The following IFT52 variants were observed in gnomAD, a reference collection of about 807,000 sequenced individuals.
The protein encoded by IFT52 is intraflagellar transport protein 52 homolog.
In IFT52, 44 loss-of-function variants were observed where a neutral mutation model predicts 54.4. The ratio of observed to expected loss-of-function variants is 0.81; its 90% CI spans 0.63 to 1.04. The LOEUF (loss-of-function observed/expected upper bound fraction) is 1.04. Ranked by LOEUF, IFT52 falls within the 50% of genes least tolerant of loss-of-function variation. The pLI is 0.00. For missense variants in IFT52, 452 were observed against 523.6 expected, an observed-to-expected ratio of 0.86 and a Z score of 1.33; for synonymous variants, 181 against 185.3, an observed-to-expected ratio of 0.98 and a Z score of 0.19.
intron 12 of IFT52, among the ~76,000 whole-genome samples, chr20:43,640,286 C>G (rs553869273): frequency 1.0e-3 from 159 of 152,032 alleles, no homozygotes; most frequent in African/African-American, 3.7e-3. Context: ...AAAACCCTGT[C>G]TCTACTAAAA....
At chr20:43,618,427 A>C (rs1382472516) in intron 7 of IFT52, 1 of 152,230 alleles carries the variant, frequency 6.6e-6, no homozygotes, top group Non-Finnish European at 1.5e-5. Context: ...AAAAAAATAT[A>C]GAAGTATCTA....
chr20:43,636,493 T>C (rs1985549151), intron 11 of IFT52, among the ~76,000 whole-genome samples: 1 of 152,218 alleles, frequency 6.6e-6, no homozygotes, highest in Non-Finnish European at 1.5e-5. Flanking sequence ...GCCAGTTAGC[T>C]TGATCTTGCT....
chr20:43,616,242 C>T (rs1434152352), intron 7 of IFT52, among the ~76,000 whole-genome samples: 4 of 152,066 alleles, frequency 2.6e-5, no homozygotes, highest in Non-Finnish European at 5.9e-5. Flanking sequence ...CGTGGTGGCT[C>T]ACAACTGTAA....
intron 4 of IFT52, 54 bp downstream of exon 4, chr20:43,603,943 A>T (rs115145793): frequency 1.6e-6 from 2 of 1,271,982 alleles, no homozygotes; most frequent in Non-Finnish European, 2.2e-6. Flanking sequence ...CTATTATTTG[A>T]TATCATAGCC....
intron 10 of IFT52, among the ~76,000 whole-genome samples, chr20:43,627,678 G>A (rs1046146986): frequency 2.0e-5 from 3 of 152,126 alleles, no homozygotes; most frequent in African/African-American, 7.2e-5. Flanking sequence ...AATGGCTGGC[G>A]TGAAACACAA....
At chr20:43,623,577 C>T (rs187142502) in intron 9 of IFT52, among the ~76,000 whole-genome samples, 4 of 152,260 alleles carry the variant, frequency 2.6e-5, no homozygotes, top group African/African-American at 7.2e-5. Context: ...GATTGCTGAG[C>T]GCTCAAGATC....
intron 11 of IFT52, 125 bp from the exon 12 acceptor site, chr20:43,637,020 C>A (rs2145670005): frequency 9.6e-6 from 6 of 625,210 alleles, no homozygotes; most frequent in Non-Finnish European, 1.1e-5. Flanking sequence ...AGGATGTGAA[C>A]TTCCTTATTC....
At chr20:43,610,687 C>T (rs985107949) in intron 6 of IFT52, among the ~76,000 whole-genome samples, 5 of 151,258 alleles carry the variant, frequency 3.3e-5, no homozygotes, top group Non-Finnish European at 7.4e-5. Context: ...TGCAGTGAGC[C>T]GAGATCACGC....
chr20:43,595,128 A>G (rs1012037412), intron 2 of IFT52, among the ~76,000 whole-genome samples: 2 of 151,844 alleles, frequency 1.3e-5, no homozygotes, highest in African/African-American at 4.8e-5. Context: ...AGCCTGGACA[A>G]GATGGTGAAA....
intron 9 of IFT52, among the ~76,000 whole-genome samples, chr20:43,623,094 A>G (rs1291823369): frequency 6.6e-6 from 1 of 152,144 alleles, no homozygotes; most frequent in African/African-American, 2.4e-5. Context: ...GGCACATGTT[A>G]TGGTGGGAGC....
chr20:43,625,342 C>T (rs1349656687), intron 10 of IFT52, among the ~76,000 whole-genome samples: 2 of 152,036 alleles, frequency 1.3e-5, no homozygotes, highest in African/African-American at 4.8e-5. Flanking sequence ...AACCCCGTCT[C>T]TACTAAAAAT....
At chr20:43,593,171 C>T (rs914137675) in intron 1 of IFT52, among the ~76,000 whole-genome samples, 1 of 151,912 alleles carries the variant, frequency 6.6e-6, no homozygotes, top group Non-Finnish European at 1.5e-5. Context: ...AGTACCTGGA[C>T]AAGAAAATCA....
intron 5 of IFT52, 55 bp from the exon 6 acceptor site, chr20:43,604,947 G>A: frequency 6.4e-7 from 1 of 1,571,958 alleles, no homozygotes; most frequent in Non-Finnish European, 8.7e-7. Context: ...AATGAATGCA[G>A]TGTGAAATTC....
chr20:43,624,445 G>A (rs561725256), intron 10 of IFT52, among the ~76,000 whole-genome samples: 76 of 152,318 alleles, frequency 5.0e-4, no homozygotes, highest in Admixed American at 1.8e-3. Flanking sequence ...CACTTAGAAT[G>A]CAGGAAAAGG....
Position 43,647,107 on chromosome 20 carries a change from A to G in IFT52, c.*124A>G, listed in dbSNP as rs1297765524. On this transcript the variant is annotated 3_prime_UTR_variant, in exon 14 of 14. Coordinates refer to ENST00000373030, the MANE Select transcript of IFT52 (RefSeq NM_016004.5). ...CTTTCCTCCATGAGCTCTGGAAGGT[A>G]TATGCATCTTCTGTAATACTCAGAT... is the stretch of plus-strand genomic sequence containing the variant. 3 of 811,316 alleles carry G rather than the reference A, an allele frequency of 3.7e-6. No homozygotes were observed. The highest frequency in any genetic ancestry group is 1.9e-5 in the Admixed American group (1 of 52,436). 50.3% of individuals were successfully genotyped at this position (811,316 alleles called of 1,614,324 possible).
At chr20:43,642,237 T>C (rs1985965488) in intron 12 of IFT52, 2 of 398,786 alleles carry the variant, frequency 5.0e-6, no homozygotes, top group Admixed American at 4.1e-5. Flanking sequence ...ATCTGAGGAA[T>C]AGGAAAGCCA....
chr20:43,642,474 C>T lies in IFT52; in HGVS notation c.1121-5C>T. On this transcript the variant is annotated splice_region_variant and splice_polypyrimidine_tract_variant and intron_variant, in intron 12 of 13. Coordinates refer to ENST00000373030, the MANE Select transcript of IFT52 (RefSeq NM_016004.5). ...TTAATCTAACTACTACTCCAACTGTCTTAGGTACTGAAGAAGACCTGGAAT... is the reference window on the plus strand; with the variant it reads ...TTAATCTAACTACTACTCCAACTGTTTTAGGTACTGAAGAAGACCTGGAAT... 2 of 1,613,724 alleles carry T rather than the reference C, an allele frequency of 1.2e-6. No individual in the cohort carries two copies. Among genetic ancestry groups the T allele is most frequent in the Non-Finnish European group, 1.7e-6 (2 of 1,179,698 alleles).
chr20:43,605,147 T>A, intron 6 of IFT52, 74 bp downstream of exon 6: 1 of 1,573,978 alleles, frequency 6.4e-7, no homozygotes, highest in Non-Finnish European at 8.6e-7. Flanking sequence ...TGAAAAGAGC[T>A]TTTGTTTCTG....
At chr20:43,609,641 G>C (rs1409626503) in intron 6 of IFT52, among the ~76,000 whole-genome samples, 1 of 151,996 alleles carries the variant, frequency 6.6e-6, no homozygotes, top group African/African-American at 2.4e-5. Context: ...CAAGGATGGT[G>C]GCGGGCACCT....
Sources: gnomAD v4.1 joint callset for allele counts (sites outside exome capture counted in the v4.1 genomes callset) on GRCh38, gnomAD v4.1.1 for gene constraint, MANE v1.5 for transcripts, NCBI Gene and HGNC (gene_info 2026-07-23, HGNC 2026-07-21) for gene names.